Variants in DAB1 observed in about 807,000 individuals in gnomAD.
The protein encoded by DAB1 is disabled homolog 1.
Under a neutral mutation model 64.6 loss-of-function variants are expected in DAB1, and 15 were observed. The ratio of observed to expected loss-of-function variants is 0.23; its 90% CI spans 0.16 to 0.36. The LOEUF is 0.36. Ranked by LOEUF, DAB1 falls within the 10% of genes least tolerant of loss-of-function variation. The probability of loss-of-function intolerance (pLI) is 1.00; values close to 1 mark genes in which losing one functional copy is unlikely to be tolerated. For missense variants in DAB1, 596 were observed against 706.7 expected, an observed-to-expected ratio of 0.84 and a Z score of 1.78; for synonymous variants, 235 against 251.9, an observed-to-expected ratio of 0.93 and a Z score of 0.64.
chr1:57,476,234 A>AAC (rs1389940546), intron 7 of DAB1, among the ~76,000 whole-genome samples: 1 of 151,788 alleles, frequency 6.6e-6, no homozygotes, highest in Non-Finnish European at 1.5e-5. Context: ...TTCAAAAAAA[A>AAC]AAAAAACAAA....
chr1:57,820,514 G>A (rs1323915952), intron 6 of DAB1, among the ~76,000 whole-genome samples: 1 of 152,002 alleles, frequency 6.6e-6, no homozygotes, highest in Non-Finnish European at 1.5e-5. Context: ...CATCATGCTG[G>A]TGCCTAACTC....
rs933346242 is a variant in DAB1, at chr1:58,408,586, CA to C, written n.258-65184del. Among the ~76,000 whole-genome samples the C allele has an allele frequency of 2.6e-4, 39 of 152,088 alleles. 1 individual carries two copies. Among genetic ancestry groups the C allele is most frequent in the Admixed American group, 2.3e-3 (35 of 15,282 alleles). On this transcript the variant is annotated intron_variant and non_coding_transcript_variant, in intron 3 of 20. Coordinates refer to the DAB1 transcript ENST00000485760. ...GTGGAAGATCTGATTGGTGGGAAAG[CA>C]GGGGAGAAACTAAAACCAAAGAGGG...
intron 4 of DAB1, among the ~76,000 whole-genome samples, chr1:58,240,595 A>G (rs1195419495): frequency 6.6e-6 from 1 of 152,212 alleles, no homozygotes; most frequent in African/African-American, 2.4e-5. Context: ...CTATATCCTA[A>G]TTGCTTGAGA....
intron 4 of DAB1, among the ~76,000 whole-genome samples, chr1:58,151,966 A>G (rs1403783511): frequency 2.0e-5 from 3 of 152,204 alleles, no homozygotes; most frequent in African/African-American, 7.2e-5. Flanking sequence ...TTTAAGTAAC[A>G]GAAGAATATC....
Position 57,138,292 on chromosome 1 carries a change from ATGAT to A in DAB1, c.208-1655_208-1652del, listed in dbSNP as rs201415793. Among the ~76,000 whole-genome samples, 59 of 152,268 alleles carry A rather than the reference ATGAT, an allele frequency of 3.9e-4. No homozygotes were observed. The East Asian group carries it at 0.01, about 27-fold the overall frequency. On this transcript the variant is annotated intron_variant, in intron 3 of 14. Transcript: ENST00000371236. ...CTTTCTCAACTGACAGATGAGAAAAATGATGAACTGAAAGGTAGTAGACCGTCCT... is the reference window on the plus strand; with the variant it reads ...CTTTCTCAACTGACAGATGAGAAAAAGAACTGAAAGGTAGTAGACCGTCCT...
At chr1:58,003,566 G>C (rs1282776189) in intron 5 of DAB1, among the ~76,000 whole-genome samples, 1 of 152,186 alleles carries the variant, frequency 6.6e-6, no homozygotes, top group African/African-American at 2.4e-5. Flanking sequence ...GATTCCACCT[G>C]TGTGGGTCAG....
intron 7 of DAB1, among the ~76,000 whole-genome samples, chr1:57,564,719 G>C (rs1409454124): frequency 6.6e-6 from 1 of 152,082 alleles, no homozygotes; most frequent in Non-Finnish European, 1.5e-5. Flanking sequence ...GAAGCGAGAA[G>C]AGAAGTTTAG....
Position 57,947,294 on chromosome 1 carries a change from T to G in DAB1, n.388-63132A>C, listed in dbSNP as rs182787373. Among the ~76,000 whole-genome samples, 131 of 152,206 alleles carry G rather than the reference T, an allele frequency of 8.6e-4. 1 individual carries two copies. Among genetic ancestry groups the G allele is most frequent in the African/African-American group, 3.1e-3 (127 of 41,546 alleles). ...GCCCTGAGACCCAAAGACAGTCCAG[T>G]GCCCAAAATCCCCAAGGTAAATTGC... is the stretch of plus-strand genomic sequence containing the variant. On this transcript the variant is annotated intron_variant and non_coding_transcript_variant, in intron 5 of 20. Coordinates refer to the DAB1 transcript ENST00000485760.
At chr1:58,060,659 C>G (rs1648439134) in intron 5 of DAB1, among the ~76,000 whole-genome samples, 1 of 152,184 alleles carries the variant, frequency 6.6e-6, no homozygotes, top group Non-Finnish European at 1.5e-5. Flanking sequence ...CAAGGGCCCA[C>G]AAAGTCCTGG....
At chr1:58,094,628 T>C (rs1226785691) in intron 5 of DAB1, among the ~76,000 whole-genome samples, 2 of 152,246 alleles carry the variant, frequency 1.3e-5, no homozygotes, top group Non-Finnish European at 2.9e-5. Context: ...AATAAGGTAC[T>C]GTATATAAAA....
chr1:58,047,291 T>A (rs1368868260), intron 5 of DAB1, among the ~76,000 whole-genome samples: 1 of 152,226 alleles, frequency 6.6e-6, no homozygotes, highest in African/African-American at 2.4e-5. Flanking sequence ...TAATCCAATA[T>A]ATCTAAACTG....
At chr1:58,116,864 A>AT (rs1652366924) in intron 5 of DAB1, among the ~76,000 whole-genome samples, 1 of 152,212 alleles carries the variant, frequency 6.6e-6, no homozygotes, top group South Asian at 2.1e-4. Flanking sequence ...GACATAACTC[A>AT]TTTTTTGATT....
chr1:58,108,277 G>A (rs947999191), intron 5 of DAB1, among the ~76,000 whole-genome samples: 1 of 152,182 alleles, frequency 6.6e-6, no homozygotes, highest in African/African-American at 2.4e-5. Flanking sequence ...TGAGATGAGG[G>A]TGAAGTTGAA....
At chr1:58,212,572 A>C (rs571212596) in intron 4 of DAB1, among the ~76,000 whole-genome samples, 32 of 152,262 alleles carry the variant, frequency 2.1e-4, no homozygotes, top group Admixed American at 1.5e-3. Context: ...TTCACCTCTT[A>C]GGCATATTCA....
At position 57,683,802 on chromosome 1, in the gene DAB1, T is replaced by A. The variant is rs897771078; in HGVS notation, n.552-34137A>T. 1.6e-4 allele frequency among the ~76,000 whole-genome samples: 25 copies of A among 152,226 alleles called. 2 individuals are homozygous for A. The highest frequency in any genetic ancestry group is 6.0e-4 in the African/African-American group (25 of 41,530). On this transcript the variant is annotated intron_variant and non_coding_transcript_variant, in intron 6 of 20. Coordinates refer to the DAB1 transcript ENST00000485760. Reference sequence around the variant, plus strand: ...CAGACTGAAATGACAGACATAGAGTTCAGAATCTGGATGACAAGGAAGCTC... The same window carrying A: ...CAGACTGAAATGACAGACATAGAGTACAGAATCTGGATGACAAGGAAGCTC...
chr1:58,225,240 T>C (rs1018630359), intron 4 of DAB1, among the ~76,000 whole-genome samples: 5 of 152,012 alleles, frequency 3.3e-5, no homozygotes, highest in East Asian at 3.9e-4. Context: ...ATCAGAGAAA[T>C]GCAAATCAAA....
chr1:57,917,238 G>A (rs1019575387), intron 5 of DAB1, among the ~76,000 whole-genome samples: 8 of 152,156 alleles, frequency 5.3e-5, no homozygotes, highest in African/African-American at 1.9e-4. Context: ...AAGGGCCTAG[G>A]GCATTTGCCA....
chr1:57,486,025 C>T (rs991410583), intron 7 of DAB1, among the ~76,000 whole-genome samples: 5 of 152,144 alleles, frequency 3.3e-5, no homozygotes, highest in African/African-American at 7.2e-5. Flanking sequence ...GAAGGCTTCC[C>T]TAATTAATTG....
intron 2 of DAB1, among the ~76,000 whole-genome samples, chr1:57,175,704 C>T (rs1407383064): frequency 1.3e-5 from 2 of 152,142 alleles, no homozygotes; most frequent in Non-Finnish European, 2.9e-5. Context: ...AGAAAGATAA[C>T]AGTCCTCTGG....
Sources: gnomAD v4.1 joint callset for allele counts (sites outside exome capture counted in the v4.1 genomes callset) on GRCh38, gnomAD v4.1.1 for gene constraint, MANE v1.5 for transcripts, NCBI Gene and HGNC (gene_info 2026-07-23, HGNC 2026-07-21) for gene names.